Variants in MAPT observed in about 807,000 individuals in gnomAD.
The protein encoded by MAPT is microtubule-associated protein tau.
Under a neutral mutation model 67.9 loss-of-function variants are expected in MAPT, and 34 were observed. The ratio of observed to expected loss-of-function variants is 0.50; its 90% CI spans 0.38 to 0.67. The LOEUF is 0.67. MAPT is among the 30% of genes least tolerant of loss of function. The pLI, the probability that MAPT is intolerant of heterozygous loss-of-function variation, is 0.00. For missense variants in MAPT, 881 were observed against 1,115.2 expected, an observed-to-expected ratio of 0.79 and a Z score of 2.99; for synonymous variants, 456 against 464.5, an observed-to-expected ratio of 0.98 and a Z score of 0.23.
intron 3 of MAPT, chr17:45,974,584 C>T (rs1156581128): frequency 3.6e-6 from 3 of 826,102 alleles, no homozygotes; most frequent in Non-Finnish European, 5.9e-6. Context: ...GGGGCAGGAA[C>T]ATGGGTGGAT....
intron 1 of MAPT, among the ~76,000 whole-genome samples, chr17:45,943,508 TC>T (rs1207693183): frequency 6.6e-6 from 1 of 152,154 alleles, no homozygotes; most frequent in Non-Finnish European, 1.5e-5. Flanking sequence ...GAGTGTGACC[TC>T]AGACTCAAAA....
At chr17:45,899,216 G>A (rs2063469085) in intron 1 of MAPT, among the ~76,000 whole-genome samples, 1 of 152,106 alleles carries the variant, frequency 6.6e-6, no homozygotes, top group African/African-American at 2.4e-5. Context: ...TTCACAACTC[G>A]GGGAGGGTGC....
Position 45,982,950 on chromosome 17 carries a change from C to G in MAPT, c.371C>G (p.Pro124Arg). 7.0e-7 allele frequency: 1 copy of G among 1,425,004 alleles called. No individual in the cohort carries two copies. The highest frequency in any genetic ancestry group is 9.1e-7 in the Non-Finnish European group (1 of 1,093,264). 88.3% of individuals were successfully genotyped at this position (1,425,004 alleles called of 1,614,324 possible). Reference protein sequence around the residue: ...NEISAHVQPGPCGEASGVSGP... With the variant: ...NEISAHVQPGRCGEASGVSGP... ...ATTAGCGCCCACGTCCAGCCTGGAC[C>G]CTGCGGAGAGGCCTCTGGGGTCTCT... Residue 124 changes from proline to arginine, a missense_variant, in exon 5 of 13, where the codon CCC becomes CGC. Pro to Arg is a moderately radical substitution (Grantham distance 103, BLOSUM62 -2). Coordinates refer to ENST00000262410, the MANE Select transcript of MAPT (RefSeq NM_001377265.1).
chr17:45,978,481 G>C, intron 4 of MAPT, 41 bp downstream of exon 4: 1 of 1,513,718 alleles, frequency 6.6e-7, no homozygotes, highest in Non-Finnish European at 9.2e-7. Flanking sequence ...TGGGGGTTGG[G>C]GGGAGGGACA....
At chr17:46,023,935 C>T in intron 12 of MAPT, 21 bp from the exon 13 acceptor site, 1 of 1,608,676 alleles carries the variant, frequency 6.2e-7, no homozygotes, top group Non-Finnish European at 8.5e-7. Context: ...TCTCACCCTC[C>T]CTCCCTTCCT....
At chr17:45,970,416 G>A (rs1243220962) in intron 2 of MAPT, among the ~76,000 whole-genome samples, 1 of 151,958 alleles carries the variant, frequency 6.6e-6, no homozygotes, top group Non-Finnish European at 1.5e-5. Flanking sequence ...CCATCCATCC[G>A]TCCGTCCACC....
intron 9 of MAPT, chr17:45,999,593 G>T (rs1434232338): frequency 6.2e-7 from 1 of 1,612,308 alleles, no homozygotes; most frequent in East Asian, 2.2e-5. Context: ...GGCCAGAACT[G>T]TCCCTCCCAC....
chr17:45,985,466 G>A (rs2073444722), intron 5 of MAPT, among the ~76,000 whole-genome samples: 1 of 152,170 alleles, frequency 6.6e-6, no homozygotes, highest in Non-Finnish European at 1.5e-5. Context: ...GTTCATAGGT[G>A]TGTTTGGATT....
chr17:46,014,017 C>A (rs2075994959), intron 10 of MAPT, among the ~76,000 whole-genome samples: 1 of 152,168 alleles, frequency 6.6e-6, no homozygotes, highest in African/African-American at 2.4e-5. Flanking sequence ...GTCCCCAGCT[C>A]CCCTGGGGCA....
At chr17:45,928,000 A>AG (rs1159736213) in intron 1 of MAPT, among the ~76,000 whole-genome samples, 2 of 90,406 alleles carry the variant, frequency 2.2e-5, no homozygotes, top group Admixed American at 1.2e-4. Context: ...ACTCCGTCTC[A>AG]GGAAAAAAAA....
At chr17:45,911,214 G>T (rs1012248585) in intron 1 of MAPT, among the ~76,000 whole-genome samples, 11 of 152,308 alleles carry the variant, frequency 7.2e-5, no homozygotes, top group African/African-American at 2.6e-4. Context: ...CCATCGCAGG[G>T]AGATGCTTTA....
intron 1 of MAPT, among the ~76,000 whole-genome samples, chr17:45,919,537 A>G (rs1414489800): frequency 2.0e-5 from 3 of 152,098 alleles, no homozygotes; most frequent in Non-Finnish European, 2.9e-5. Context: ...TCTCCTTTAC[A>G]TGTTTCTACC....
Position 45,983,929 on chromosome 17 carries a change from A to G in MAPT, c.1350A>G (p.Lys450=). The part of the protein sequence containing the change: ...GKPVSRVPQL[K]ARMVSKSKDG... ...CCGTCAGCCGGGTCCCTCAACTCAAAGGTCTGTGTCTTGAGCTTCTTCGCT... is the reference window on the plus strand; with the variant it reads ...CCGTCAGCCGGGTCCCTCAACTCAAGGGTCTGTGTCTTGAGCTTCTTCGCT... The change falls in exon 5 of 13, where the codon AAA becomes AAG. Residue 450 remains lysine (K), a splice_region_variant and synonymous_variant. Coordinates refer to ENST00000262410, the MANE Select transcript of MAPT (RefSeq NM_001377265.1). The G allele has an allele frequency of 1.3e-6, 2 of 1,557,710 alleles. No individual in the cohort carries two copies. The highest frequency in any genetic ancestry group is 1.7e-6 in the Non-Finnish European group (2 of 1,157,084).
intron 12 of MAPT, among the ~76,000 whole-genome samples, chr17:46,021,881 C>T (rs1195984138): frequency 1.3e-5 from 2 of 152,136 alleles, no homozygotes; most frequent in Non-Finnish European, 2.9e-5. Flanking sequence ...AGCATTAGTC[C>T]CCTGTTTTCC....
chr17:45,904,058 ATTATATATTATATAT>A (rs1308671861), intron 1 of MAPT, among the ~76,000 whole-genome samples: 18 of 14,998 alleles, frequency 1.2e-3, no homozygotes, highest in Admixed American at 2.5e-3. Flanking sequence ...TATATTATAT[ATTATATATTATATAT>A]TTATATATTA....
rs756354168 is a variant in MAPT, at chr17:45,983,132, G to T, written c.553G>T (p.Gly185Cys). 4 of 1,583,124 alleles carry T rather than the reference G, an allele frequency of 2.5e-6. No homozygotes were observed. Among genetic ancestry groups the T allele is most frequent in the Non-Finnish European group, 3.4e-6 (4 of 1,163,726 alleles). ...GQKGGDWAEK[G>C]PAFPKPATTA... The stretch of plus-strand genomic sequence containing the variant: ...AAAAGGCGGGGACTGGGCCGAGAAG[G>T]GTCCGGCCTTTCCGAAGCCCGCCAC... Residue 185 changes from glycine (G) to cysteine (C), a missense_variant, in exon 5 of 13, where the codon GGT becomes TGT. Physicochemically the swap from Gly to Cys is radical, Grantham distance 159. Coordinates refer to ENST00000262410, the MANE Select transcript of MAPT (RefSeq NM_001377265.1).
chr17:45,949,104 C>G (rs577820152), intron 1 of MAPT, among the ~76,000 whole-genome samples: 1 of 152,364 alleles, frequency 6.6e-6, no homozygotes, highest in East Asian at 1.9e-4. Flanking sequence ...GTCCTTGATT[C>G]CAGTCTGAGT....
At chr17:45,982,357 G>T (rs1004984778) in intron 4 of MAPT, among the ~76,000 whole-genome samples, 1 of 140,052 alleles carries the variant, frequency 7.1e-6, no homozygotes, top group African/African-American at 2.5e-5. Flanking sequence ...GGGGGCAGGA[G>T]AACAGTGAGA....
intron 9 of MAPT, among the ~76,000 whole-genome samples, chr17:46,002,524 G>C (rs901502560): frequency 9.9e-5 from 15 of 152,150 alleles, no homozygotes; most frequent in African/African-American, 3.1e-4. Flanking sequence ...GCATGGGGGG[G>C]CCTGGTTGGC....
Sources: gnomAD v4.1 joint callset for allele counts (sites outside exome capture counted in the v4.1 genomes callset) on GRCh38, gnomAD v4.1.1 for gene constraint, MANE v1.5 for transcripts, NCBI Gene and HGNC (gene_info 2026-07-23, HGNC 2026-07-21) for gene names.